Variants in KLRG1 observed in about 807,000 individuals in gnomAD.
The protein encoded by KLRG1 is killer cell lectin-like receptor subfamily G member 1.
Under a neutral mutation model 21.8 loss-of-function variants are expected in KLRG1, and 16 were observed. The observed-to-expected ratio is 0.73, with a 90% confidence interval of 0.50 to 1.11. The LOEUF (loss-of-function observed/expected upper bound fraction) is 1.11, where lower values mean the gene tolerates loss of function less well. Ranked by LOEUF, KLRG1 falls within the 50% of genes most tolerant of loss-of-function variation. The pLI is 0.00. For synonymous variants in KLRG1, 69 were observed against 75.9 expected, an observed-to-expected ratio of 0.91 and a Z score of 0.47; for missense variants, 173 against 218.3, an observed-to-expected ratio of 0.79 and a Z score of 1.31.
chr12:9,140,019 G>A, the KLRG1 span, among the ~76,000 whole-genome samples: 18 of 152,298 alleles, frequency 1.2e-4, no homozygotes, highest in Admixed American at 6.5e-4. Context: ...CTCTCTGGCC[G>A]GAGAGGAGGT....
the KLRG1 span, chr12:9,202,709 A>T: frequency 1.2e-6 from 2 of 1,605,248 alleles, no homozygotes; most frequent in Non-Finnish European, 1.7e-6. Context: ...ATTTTTTACT[A>T]CTGAGGAACT....
At chr12:9,013,901 A>T (rs1947665080), downstream of KLRG1, among the ~76,000 whole-genome samples, 1 of 152,176 alleles carries the variant, frequency 6.6e-6, no homozygotes, top group African/African-American at 2.4e-5. Flanking sequence ...TAACAAAGAG[A>T]ACAAAAATTT....
chr12:9,193,963 A>T, the KLRG1 span: 1 of 1,067,806 alleles, frequency 9.4e-7, no homozygotes, highest in Non-Finnish European at 1.3e-6. Flanking sequence ...TGTAAACTCA[A>T]AGTTAGATAT....
the KLRG1 span, among the ~76,000 whole-genome samples, chr12:9,056,658 G>C: frequency 6.6e-6 from 1 of 152,012 alleles, no homozygotes; most frequent in African/African-American, 2.4e-5. Context: ...TGATCGTCCT[G>C]CCTCAGCCTC....
At chr12:9,023,183 G>T in the KLRG1 span, among the ~76,000 whole-genome samples, 3 of 152,166 alleles carry the variant, frequency 2.0e-5, no homozygotes, top group Non-Finnish European at 2.9e-5. Context: ...GTCTTGTCAG[G>T]CTGAGCCCTG....
intron 1 of KLRG1, among the ~76,000 whole-genome samples, chr12:8,975,854 G>A (rs1946649660): frequency 6.6e-6 from 1 of 151,966 alleles, no homozygotes; most frequent in African/African-American, 2.4e-5. Context: ...GAGCCACTGG[G>A]CCCAGCTTTT....
At chr12:9,181,753 C>A in the KLRG1 span, among the ~76,000 whole-genome samples, 1 of 152,086 alleles carries the variant, frequency 6.6e-6, no homozygotes, top group African/African-American at 2.4e-5. Flanking sequence ...CAGAGAAGAG[C>A]ATCATGAACA....
the KLRG1 span, among the ~76,000 whole-genome samples, chr12:9,048,888 A>G: frequency 2.0e-5 from 3 of 152,262 alleles, no homozygotes; most frequent in African/African-American, 4.8e-5. Flanking sequence ...TAAGGAAGAA[A>G]TGAAACTGTT....
the KLRG1 span, among the ~76,000 whole-genome samples, chr12:9,183,916 T>C: frequency 1.3e-5 from 2 of 152,172 alleles, no homozygotes; most frequent in African/African-American, 4.8e-5. Flanking sequence ...GCCATTCATA[T>C]TTGTGTTCAG....
At chr12:8,980,848 C>T (rs1946743497) in intron 1 of KLRG1, among the ~76,000 whole-genome samples, 1 of 152,124 alleles carries the variant, frequency 6.6e-6, no homozygotes, top group Admixed American at 6.5e-5. Context: ...GGGATGGCTG[C>T]TAGAGTCCTG....
At chr12:9,193,763 G>GA in the KLRG1 span, among the ~76,000 whole-genome samples, 7 of 152,062 alleles carry the variant, frequency 4.6e-5, no homozygotes, top group East Asian at 5.8e-4. Flanking sequence ...AAGTGACCTG[G>GA]AAAAAATAAC....
At chr12:9,046,714 A>G in the KLRG1 span, among the ~76,000 whole-genome samples, 2 of 152,230 alleles carry the variant, frequency 1.3e-5, no homozygotes, top group African/African-American at 4.8e-5. Flanking sequence ...AATTGAGAGA[A>G]ATTGTTGCCT....
chr12:9,152,326 A>G, the KLRG1 span: 1 of 1,595,272 alleles, frequency 6.3e-7, no homozygotes, highest in East Asian at 2.2e-5. Flanking sequence ...GTGTCAAAGG[A>G]AAAAGAATTT....
chr12:8,998,079 G>A (rs970807208), intron 3 of KLRG1, among the ~76,000 whole-genome samples: 4 of 152,172 alleles, frequency 2.6e-5, no homozygotes, highest in South Asian at 2.1e-4. Context: ...TGTAATCCCA[G>A]CACTTTTGAG....
At chr12:9,196,165 G>A in the KLRG1 span, among the ~76,000 whole-genome samples, 2 of 152,084 alleles carry the variant, frequency 1.3e-5, no homozygotes, top group African/African-American at 4.8e-5. Flanking sequence ...GTGTCTGTTT[G>A]TTTCATCAGT....
chr12:9,163,006 C>G, the KLRG1 span, among the ~76,000 whole-genome samples: 1 of 152,082 alleles, frequency 6.6e-6, no homozygotes, highest in African/African-American at 2.4e-5. Context: ...ATTCAGCTCC[C>G]ACTTATAAGT....
chr12:9,067,774 G>GAGCTCTGAGAACAGGA, the KLRG1 span: 16 of 1,590,094 alleles, frequency 1.0e-5, no homozygotes, highest in Non-Finnish European at 1.4e-5. Context: ...GTCTTCTGTG[G>GAGCTCTGAGAACAGGA]AGCTCTGAGA....
At chr12:9,096,575 A>G in the KLRG1 span, among the ~76,000 whole-genome samples, 6 of 152,230 alleles carry the variant, frequency 3.9e-5, no homozygotes, top group African/African-American at 1.4e-4. Context: ...CTTTAACCGT[A>G]AAATTCTAGG....
chr12:9,186,028 G>C, the KLRG1 span, among the ~76,000 whole-genome samples: 25 of 151,782 alleles, frequency 1.6e-4, no homozygotes, highest in South Asian at 6.2e-4. Flanking sequence ...GGATGGTCTC[G>C]ATCTCCTGAC....
Sources: allele counts gnomAD v4.1 joint callset (sites outside exome capture counted in the v4.1 genomes callset), GRCh38; gene constraint gnomAD v4.1.1; transcripts MANE v1.5; gene names NCBI Gene and HGNC (gene_info 2026-07-23, HGNC 2026-07-21).